The following GPR89B variants were observed in gnomAD, a reference collection of about 807,000 sequenced individuals.
GPR89B encodes the protein golgi pH regulator B.
A neutral mutation model predicts 52.4 loss-of-function variants in GPR89B; 25 were observed. That is an observed-to-expected ratio of 0.48 (90% CI 0.35 to 0.67). The LOEUF (loss-of-function observed/expected upper bound fraction) is 0.67. Among genes scored for constraint, GPR89B ranks in the 30% least tolerant of loss-of-function variants. The probability of loss-of-function intolerance (pLI) is 0.01; values close to 1 mark genes in which losing one functional copy is unlikely to be tolerated. For synonymous variants in GPR89B, 52 were observed against 151.2 expected, an observed-to-expected ratio of 0.34 and a Z score of 4.81; for missense variants, 146 against 450.2, an observed-to-expected ratio of 0.32 and a Z score of 6.11.
chr1:148,003,894 CT>C, the GPR89B span: 1 of 578,218 alleles, frequency 1.7e-6, no homozygotes, highest in Non-Finnish European at 3.0e-6. Flanking sequence ...GGCTGTTTCT[CT>C]TTTGAATTGT....
At chr1:147,988,669 C>T (rs1216196154) in intron 12 of GPR89B, 148 bp downstream of exon 12, 1 of 500,972 alleles carries the variant, frequency 2.0e-6, no homozygotes, top group African/African-American at 2.1e-5. Context: ...TCGAGTCCAT[C>T]CTAGCCAACA....
the GPR89B span, among the ~76,000 whole-genome samples, chr1:148,021,636 G>A: frequency 2.6e-5 from 4 of 151,782 alleles, no homozygotes; most frequent in African/African-American, 4.9e-5. Flanking sequence ...CCTTCCTGTC[G>A]AGGAAGGCCC....
chr1:148,011,460 G>C, the GPR89B span: 1 of 152,296 alleles, frequency 6.6e-6, no homozygotes, highest in African/African-American at 2.4e-5. Context: ...ACGGATTCTC[G>C]TGCTGGACTT....
chr1:147,936,546 A>T, intron 1 of GPR89B, 81 bp from the exon 2 acceptor site: 1 of 876,130 alleles, frequency 1.1e-6, no homozygotes, highest in South Asian at 1.5e-5. Flanking sequence ...TAGTTAGCAG[A>T]CCTTTTATCA....
chr1:148,014,149 G>T, the GPR89B span, among the ~76,000 whole-genome samples: 1 of 151,230 alleles, frequency 6.6e-6, no homozygotes, highest in Admixed American at 6.6e-5. Context: ...ACGGTTCCAC[G>T]CTGGGTGGAC....
the GPR89B span, chr1:148,005,508 A>G: frequency 1.9e-6 from 3 of 1,606,052 alleles, no homozygotes; most frequent in Non-Finnish European, 2.5e-6. Flanking sequence ...CCCCCTTTTT[A>G]CCTGGAAGAG....
rs1164776201 is a variant in GPR89B at position 147,993,230 on chromosome 1, G to A, written c.*313G>A. ...AAAATACACTGGAACTCTGGGGCAA[G>A]AGATGTCTATGGTAGCTGAGCCAAA... is the stretch of plus-strand genomic sequence containing the variant. On this transcript the variant is annotated 3_prime_UTR_variant, in exon 14 of 14. Coordinates refer to ENST00000314163, the MANE Select transcript of GPR89B (RefSeq NM_016334.5). The A allele has an allele frequency of 1.0e-6, 1 of 993,236 alleles. No homozygotes were observed. The highest frequency in any genetic ancestry group is 1.4e-6 in the Non-Finnish European group (1 of 716,156). The allele number at this position is 993,236 out of a possible 1,614,324, so 61.5% of individuals were successfully genotyped here.
downstream of GPR89B, chr1:147,993,856 G>A (rs1161549268): frequency 1.9e-5 from 3 of 155,016 alleles, no homozygotes; most frequent in Admixed American, 6.3e-5. Flanking sequence ...TACTCAAAAG[G>A]CATTTGTTAA....
intron 1 of GPR89B, 59 bp downstream of exon 1, chr1:147,928,637 C>A (rs1571205607): frequency 6.2e-7 from 1 of 1,608,174 alleles, no homozygotes; most frequent in Non-Finnish European, 8.5e-7. Flanking sequence ...ATCGCCCTCT[C>A]CGGTCCTCCG....
the GPR89B span, among the ~76,000 whole-genome samples, chr1:148,013,403 C>T: frequency 6.6e-6 from 1 of 152,152 alleles, no homozygotes; most frequent in South Asian, 2.1e-4. Flanking sequence ...AGCGCATCGT[C>T]CTCGAGCATT....
the GPR89B span, chr1:148,010,772 G>A: frequency 6.6e-6 from 1 of 152,284 alleles, no homozygotes; most frequent in Non-Finnish European, 1.5e-5. Context: ...ACAAAGGCCT[G>A]GATGAATTTC....
chr1:147,956,337 C>T (rs1656109303), intron 7 of GPR89B, among the ~76,000 whole-genome samples: 1 of 152,118 alleles, frequency 6.6e-6, no homozygotes, highest in East Asian at 1.9e-4. Flanking sequence ...ATGATGCCTC[C>T]AGCTTTGTTC....
chr1:147,954,604 G>A (rs1655975232), intron 7 of GPR89B, among the ~76,000 whole-genome samples: 1 of 151,974 alleles, frequency 6.6e-6, no homozygotes, highest in Non-Finnish European at 1.5e-5. Context: ...GATCATTTGA[G>A]CCCAGAAGTT....
the GPR89B span, chr1:148,010,051 T>TA: frequency 0.2 from 23,445 of 117,556 alleles, 2,089 homozygotes; most frequent in East Asian, 0.4. Context: ...CTCATGGGTT[T>TA]AAAAAAAAAA....
intron 3 of GPR89B, among the ~76,000 whole-genome samples, chr1:147,942,038 G>A (rs1195159647): frequency 2.0e-5 from 3 of 150,966 alleles, no homozygotes; most frequent in Non-Finnish European, 4.4e-5. Flanking sequence ...CCAAAAACAA[G>A]AGAAAATTTT....
At chr1:147,968,551 T>A in intron 8 of GPR89B, 1 of 431,380 alleles carries the variant, frequency 2.3e-6, no homozygotes, top group Non-Finnish European at 4.3e-6. Context: ...TCTGTAACTA[T>A]TTACAATCTT....
At chr1:147,931,104 C>G (rs1474655550) in intron 1 of GPR89B, among the ~76,000 whole-genome samples, 2 of 151,938 alleles carry the variant, frequency 1.3e-5, no homozygotes, top group African/African-American at 4.8e-5. Context: ...CATTCATGCT[C>G]TCATTTGCCA....
At chr1:148,025,616 G>T in the GPR89B span, among the ~76,000 whole-genome samples, 3 of 138,430 alleles carry the variant, frequency 2.2e-5, no homozygotes, top group Admixed American at 7.3e-5. Flanking sequence ...GAATTTATAT[G>T]TTGAAAGCTT....
intron 10 of GPR89B, among the ~76,000 whole-genome samples, chr1:147,975,014 A>T (rs1657734155): frequency 1.3e-5 from 2 of 151,942 alleles, no homozygotes; most frequent in Non-Finnish European, 2.9e-5. Flanking sequence ...CATACCGGGG[A>T]TGAAGCTGAC....
Sources: allele counts gnomAD v4.1 joint callset (sites outside exome capture counted in the v4.1 genomes callset), GRCh38; gene constraint gnomAD v4.1.1; transcripts MANE v1.5; gene names NCBI Gene and HGNC (gene_info 2026-07-23, HGNC 2026-07-21).